Variants in MOB4 observed in about 807,000 individuals in gnomAD.
MOB4 encodes MOB-like protein phocein.
Under a neutral mutation model 32.2 loss-of-function variants are expected in MOB4, and 4 were observed. The ratio of observed to expected loss-of-function variants is 0.12; its 90% CI spans 0.06 to 0.28. The LOEUF (loss-of-function observed/expected upper bound fraction) is 0.28. Ranked by LOEUF, MOB4 falls within the 10% of genes least tolerant of loss-of-function variation. The probability of loss-of-function intolerance (pLI) is 1.00; values close to 1 mark genes in which losing one functional copy is unlikely to be tolerated. For missense variants in MOB4, 158 were observed against 271.2 expected, an observed-to-expected ratio of 0.58 and a Z score of 2.93; for synonymous variants, 88 against 88.1, an observed-to-expected ratio of 1.00 and a Z score of 0.01.
intron 5 of MOB4, among the ~76,000 whole-genome samples, chr2:197,540,993 C>T (rs74749355): frequency 0.013 from 1,901 of 151,494 alleles, 45 homozygotes; most frequent in African/African-American, 0.045. Flanking sequence ...CCTCTGTCTC[C>T]GGATTCAGGA....
At chr2:197,534,015 A>T in intron 2 of MOB4, 1 of 480,812 alleles carries the variant, frequency 2.1e-6, no homozygotes, top group Non-Finnish European at 4.0e-6. Flanking sequence ...CATCAAGGTC[A>T]CTATCATGTC....
intron 2 of MOB4, among the ~76,000 whole-genome samples, chr2:197,531,527 T>C (rs921045902): frequency 2.0e-5 from 3 of 152,168 alleles, no homozygotes; most frequent in African/African-American, 7.2e-5. Context: ...TGCAAGCTTA[T>C]ATCTTTTTAC....
In MOB4 at chr2:197,533,093, T is replaced by C. The variant is rs531638412; in HGVS notation, c.124-2437T>C. On this transcript the variant is annotated intron_variant, in intron 2 of 7. Transcript: ENST00000323303. ...CAGCCTGGGCGACAGAGTGAGACTC[T>C]ATCTCAAAAACAAAAAAAAATTTCT... 5.3e-5 allele frequency among the ~76,000 whole-genome samples: 8 copies of C among 151,870 alleles called. No homozygotes were observed. The East Asian group carries it at 1.6e-3, about 30-fold the overall frequency.
chr2:197,520,537 A>G (rs1012308590), intron 1 of MOB4, among the ~76,000 whole-genome samples: 1 of 152,176 alleles, frequency 6.6e-6, no homozygotes, highest in African/African-American at 2.4e-5. Flanking sequence ...GTTTATATAC[A>G]GGTTTATAGA....
intron 1 of MOB4, among the ~76,000 whole-genome samples, chr2:197,519,686 T>A (rs1483920700): frequency 6.6e-6 from 1 of 152,166 alleles, no homozygotes; most frequent in Admixed American, 6.5e-5. Flanking sequence ...TCCCCTGAAA[T>A]GAATATTTTC....
At chr2:197,540,194 GA>G (rs2086873190) in intron 4 of MOB4, 41 bp downstream of exon 4, 1 of 1,587,232 alleles carries the variant, frequency 6.3e-7, no homozygotes, top group African/African-American at 1.4e-5. Flanking sequence ...TGAAAGTTCT[GA>G]TTTTTTTTTC....
At chr2:197,546,477 C>T (rs2086995449) in intron 5 of MOB4, among the ~76,000 whole-genome samples, 1 of 152,124 alleles carries the variant, frequency 6.6e-6, no homozygotes, top group Non-Finnish European at 1.5e-5. Context: ...GCTTACCTCC[C>T]TTGACCTCCT....
intron 6 of MOB4, among the ~76,000 whole-genome samples, chr2:197,548,870 A>G (rs2087044796): frequency 6.6e-6 from 1 of 152,008 alleles, no homozygotes; most frequent in Non-Finnish European, 1.5e-5. Flanking sequence ...GGATATGTAT[A>G]TACTTGCTCA....
chr2:197,518,900 C>T (rs748044602), intron 1 of MOB4, among the ~76,000 whole-genome samples: 7 of 152,064 alleles, frequency 4.6e-5, no homozygotes, highest in South Asian at 2.1e-4. Context: ...GGACTACAGG[C>T]GCTAACCACC....
At chr2:197,518,984 TC>T (rs1443953619) in intron 1 of MOB4, among the ~76,000 whole-genome samples, 1 of 152,032 alleles carries the variant, frequency 6.6e-6, no homozygotes, top group East Asian at 1.9e-4. Flanking sequence ...GGTCTGGATC[TC>T]CTGATCTCGT....
At chr2:197,546,430 C>T (rs1001949321) in intron 5 of MOB4, among the ~76,000 whole-genome samples, 1 of 151,084 alleles carries the variant, frequency 6.6e-6, no homozygotes, top group African/African-American at 2.4e-5. Flanking sequence ...GAAATCTTAC[C>T]CTGTTATCCA....
rs1002913473 is a variant in MOB4 at position 197,529,259 on chromosome 2, C to T, written c.123+5573C>T. 7.2e-5 allele frequency among the ~76,000 whole-genome samples: 11 copies of T among 152,110 alleles called. No individual in the cohort carries two copies. The South Asian group carries it at 8.3e-4, about 11-fold the overall frequency. On this transcript the variant is annotated intron_variant, in intron 2 of 7. Coordinates refer to ENST00000323303, the MANE Select transcript of MOB4 (RefSeq NM_015387.5). ...CTGGGATTACAGACATGAGCCACCG[C>T]GGCCAGCTGATCTTCATTTCTAAAT... is the stretch of plus-strand genomic sequence containing the variant.
chr2:197,535,394 A>G (rs753661851), intron 2 of MOB4, 136 bp from the exon 3 acceptor site: 38 of 661,416 alleles, frequency 5.7e-5, no homozygotes, highest in Non-Finnish European at 6.8e-5. Context: ...TTATGATTCT[A>G]TACTTGGTTT....
At chr2:197,535,744 T>G (rs933037445) in intron 3 of MOB4, 114 bp downstream of exon 3, 7 of 1,231,948 alleles carry the variant, frequency 5.7e-6, no homozygotes, top group Admixed American at 2.6e-5. Context: ...AAGCCAAATT[T>G]TAAAGCTTTG....
chr2:197,544,957 A>G (rs1012164171), intron 5 of MOB4, among the ~76,000 whole-genome samples: 7 of 152,208 alleles, frequency 4.6e-5, no homozygotes, highest in African/African-American at 1.7e-4. Context: ...ATGGGATTGT[A>G]AAATGCTTCA....
intron 2 of MOB4, among the ~76,000 whole-genome samples, chr2:197,528,828 AGGATG>A (rs1024006960): frequency 4.6e-5 from 7 of 151,838 alleles, no homozygotes; most frequent in Admixed American, 1.3e-4. Context: ...TGTGTTAGCC[AGGATG>A]GTCTCAATCT....
At position 197,521,452 on chromosome 2, in the gene MOB4, G is replaced by A. The variant is rs185816229; in HGVS notation, c.61-2172G>A. On this transcript the variant is annotated intron_variant, in intron 1 of 7. Transcript: ENST00000323303. ...AAATTAAAATTGCTAATGAAGTTTC[G>A]GGCACCATTGTCATTGATAACATCT... is the stretch of plus-strand genomic sequence containing the variant. Among the ~76,000 whole-genome samples the A allele has an allele frequency of 2.0e-3, 312 of 152,226 alleles. 2 individuals carry two copies. The highest frequency in any genetic ancestry group is 3.3e-3 in the Non-Finnish European group (222 of 68,020).
chr2:197,522,166 T>G (rs1440776121), intron 1 of MOB4, among the ~76,000 whole-genome samples: 1 of 152,222 alleles, frequency 6.6e-6, no homozygotes, highest in Admixed American at 6.5e-5. Flanking sequence ...CCTGACTTCC[T>G]GCAACACATT....
chr2:197,529,118 C>A (rs957322968), intron 2 of MOB4, among the ~76,000 whole-genome samples: 1 of 151,898 alleles, frequency 6.6e-6, no homozygotes, highest in Non-Finnish European at 1.5e-5. Flanking sequence ...GCTGGGATTA[C>A]AGGCATGCGC....
Sources: allele counts gnomAD v4.1 joint callset (sites outside exome capture counted in the v4.1 genomes callset), GRCh38; gene constraint gnomAD v4.1.1; transcripts MANE v1.5; gene names NCBI Gene and HGNC (gene_info 2026-07-23, HGNC 2026-07-21).